The following HPSE2 variants were observed in gnomAD, a reference collection of about 807,000 sequenced individuals.
HPSE2 encodes heparanase 2 (inactive), also known as inactive heparanase-2.
A neutral mutation model predicts 60.5 loss-of-function variants in HPSE2; 38 were observed. The ratio of observed to expected loss-of-function variants is 0.63; its 90% CI spans 0.48 to 0.82. The LOEUF (loss-of-function observed/expected upper bound fraction) is 0.82. HPSE2 is among the 40% of genes least tolerant of loss of function. The pLI is 0.00. For missense variants in HPSE2, 713 were observed against 740.4 expected (o/e 0.96, Z 0.43); for synonymous variants, 295 against 293.2 (o/e 1.01, Z -0.06).
intron 2 of HPSE2, among the ~76,000 whole-genome samples, chr10:99,212,123 G>A (rs1157144707): frequency 1.3e-5 from 2 of 152,090 alleles, no homozygotes; most frequent in Non-Finnish European, 2.9e-5. Flanking sequence ...TAAATCCATA[G>A]TGACATCATC....
intron 4 of HPSE2, among the ~76,000 whole-genome samples, chr10:98,731,532 T>C (rs1309307064): frequency 6.6e-6 from 1 of 152,172 alleles, no homozygotes; most frequent in Non-Finnish European, 1.5e-5. Flanking sequence ...ATCATCTCAA[T>C]AGCTGCAACA....
chr10:99,015,562 A>G (rs12249200), intron 3 of HPSE2, among the ~76,000 whole-genome samples: 23,207 of 149,752 alleles, frequency 0.15, 2,496 homozygotes, highest in African/African-American at 0.3. Flanking sequence ...GCAAACTATC[A>G]CAAGGACAAA....
At position 98,927,375 on chromosome 10, in the gene HPSE2, G is replaced by A. The variant is rs377736447; in HGVS notation, c.611-183319C>T. On this transcript the variant is annotated intron_variant, in intron 3 of 11. Transcript: ENST00000370552. ...ATGGAAGAACATTCCATGCTCATGGGTAGGAAGAATCAATATCGTGAAAAT... is the reference window on the plus strand; with the variant it reads ...ATGGAAGAACATTCCATGCTCATGGATAGGAAGAATCAATATCGTGAAAAT... Among the ~76,000 whole-genome samples the A allele has an allele frequency of 5.4e-3, 823 of 151,928 alleles. 6 individuals are homozygous for A. The highest frequency in any genetic ancestry group is 0.019 in the African/African-American group (779 of 41,402).
intron 5 of HPSE2, among the ~76,000 whole-genome samples, chr10:98,719,392 G>C (rs528375292): frequency 7.2e-5 from 11 of 152,104 alleles, no homozygotes; most frequent in African/African-American, 2.4e-4. Flanking sequence ...AAGGACAGAG[G>C]AGGCCCTAAG....
At chr10:99,071,772 T>C (rs1842798302) in intron 3 of HPSE2, among the ~76,000 whole-genome samples, 1 of 152,218 alleles carries the variant, frequency 6.6e-6, no homozygotes, top group South Asian at 2.1e-4. Context: ...CCAATTTCAT[T>C]GTTTTGCATG....
chr10:98,825,858 T>C (rs1444567432), intron 3 of HPSE2, among the ~76,000 whole-genome samples: 1 of 152,210 alleles, frequency 6.6e-6, no homozygotes, highest in Non-Finnish European at 1.5e-5. Flanking sequence ...CATGAATGCA[T>C]GTGGTGCCAA....
At chr10:99,091,493 T>A (rs1589640674) in intron 3 of HPSE2, among the ~76,000 whole-genome samples, 1 of 152,154 alleles carries the variant, frequency 6.6e-6, no homozygotes. Context: ...AAAGTTTTTT[T>A]AAAAGCCCAG....
chr10:98,570,057 C>A (rs1427004992), intron 9 of HPSE2, among the ~76,000 whole-genome samples: 6 of 152,234 alleles, frequency 3.9e-5, no homozygotes, highest in African/African-American at 1.4e-4. Context: ...CTCTGGCCAC[C>A]TCACAACATT....
At chr10:99,071,238 T>TTTTACTTTTAGTACTTTTAGTAGAGA (rs1842780454) in intron 3 of HPSE2, among the ~76,000 whole-genome samples, 1 of 151,888 alleles carries the variant, frequency 6.6e-6, no homozygotes, top group Admixed American at 6.6e-5. Context: ...CCCAGCTAAT[T>TTTTACTTTTAGTACTTTTAGTAGAGA]TTTGTACTTT....
chr10:99,194,569 G>T (rs1038316446), intron 2 of HPSE2, among the ~76,000 whole-genome samples: 5 of 148,000 alleles, frequency 3.4e-5, no homozygotes, highest in Non-Finnish European at 7.5e-5. Flanking sequence ...TGAAAAAGAA[G>T]ACATTACAAC....
chr10:98,986,023 A>T (rs1209121169), intron 3 of HPSE2, among the ~76,000 whole-genome samples: 10 of 152,138 alleles, frequency 6.6e-5, no homozygotes, highest in Admixed American at 6.6e-4. Flanking sequence ...ACAGACTTAG[A>T]CTCCCACACA....
intron 2 of HPSE2, among the ~76,000 whole-genome samples, chr10:99,158,741 T>A (rs1403941109): frequency 1.3e-4 from 19 of 149,116 alleles, no homozygotes; most frequent in Admixed American, 1.3e-4. Context: ...AAACTTAAAG[T>A]ATAATTAAAA....
intron 3 of HPSE2, among the ~76,000 whole-genome samples, chr10:98,992,636 A>T (rs1956551540): frequency 6.6e-6 from 1 of 152,214 alleles, no homozygotes; most frequent in Non-Finnish European, 1.5e-5. Flanking sequence ...GCAGTCAAGG[A>T]TCTTATTATG....
chr10:99,003,460 C>A (rs1161157409), intron 3 of HPSE2, among the ~76,000 whole-genome samples: 1 of 152,108 alleles, frequency 6.6e-6, no homozygotes, highest in Non-Finnish European at 1.5e-5. Context: ...TACCCACCAA[C>A]AGCATGCAAG....
chr10:99,102,765 A>G, intron 3 of HPSE2, among the ~76,000 whole-genome samples: 1 of 152,220 alleles, frequency 6.6e-6, no homozygotes, highest in Non-Finnish European at 1.5e-5. Flanking sequence ...CCAGCAGCAC[A>G]TCAAAAAGCT....
intron 3 of HPSE2, among the ~76,000 whole-genome samples, chr10:98,987,680 A>G (rs1489583679): frequency 6.6e-6 from 1 of 152,182 alleles, no homozygotes; most frequent in Non-Finnish European, 1.5e-5. Flanking sequence ...AGGGTATTCA[A>G]TTAGGAAAAG....
intron 3 of HPSE2, among the ~76,000 whole-genome samples, chr10:98,984,576 T>C (rs1197081555): frequency 6.6e-6 from 1 of 152,094 alleles, no homozygotes; most frequent in Non-Finnish European, 1.5e-5. Context: ...ATTCTAAAAA[T>C]CAGAGTGCCT....
intron 2 of HPSE2, among the ~76,000 whole-genome samples, chr10:99,180,733 C>CA (rs1256387990): frequency 6.6e-6 from 1 of 150,906 alleles, no homozygotes; most frequent in African/African-American, 2.4e-5. Flanking sequence ...AAAATACACA[C>CA]AAAAAAATTA....
intron 4 of HPSE2, 68 bp downstream of exon 4, chr10:98,743,815 T>A: frequency 7.1e-7 from 1 of 1,399,220 alleles, no homozygotes; most frequent in Non-Finnish European, 1.0e-6. Flanking sequence ...TGATTGAGAC[T>A]GTATCACAAG....
Sources: allele counts gnomAD v4.1 joint callset (sites outside exome capture counted in the v4.1 genomes callset), GRCh38; gene constraint gnomAD v4.1.1; transcripts MANE v1.5; gene names NCBI Gene and HGNC (gene_info 2026-07-23, HGNC 2026-07-21).